ADGRL3: variants seen among roughly 807,000 people sequenced by gnomAD.
The protein encoded by ADGRL3 is calcium-independent alpha-latrotoxin receptor 3.
A neutral mutation model predicts 153.5 loss-of-function variants in ADGRL3; 62 were observed. The observed-to-expected ratio is 0.40, with a 90% CI of 0.33 to 0.50. ADGRL3 has a LOEUF of 0.50. Ranked by LOEUF, ADGRL3 falls within the 20% of genes least tolerant of loss-of-function variation. The pLI is 0.47. For synonymous variants in ADGRL3, 710 were observed against 672.5 expected (o/e 1.06, Z -0.86); for missense variants, 1,641 against 1,859.4 (o/e 0.88, Z 2.16).
intron 19 of ADGRL3, among the ~76,000 whole-genome samples, chr4:61,985,756 C>G (rs1418562806): frequency 6.6e-6 from 1 of 151,916 alleles, no homozygotes; most frequent in African/African-American, 2.4e-5. Context: ...CCGTTGAGTC[C>G]TTTGTCTTGA....
At chr4:61,474,460 T>C (rs571283393) in intron 2 of ADGRL3, among the ~76,000 whole-genome samples, 58 of 152,284 alleles carry the variant, frequency 3.8e-4, no homozygotes, top group Admixed American at 4.6e-4. Flanking sequence ...TGAGGTAATT[T>C]ATTTATTCAC....
chr4:61,234,248 C>T (rs191018737), intron 1 of ADGRL3, among the ~76,000 whole-genome samples: 15 of 152,076 alleles, frequency 9.9e-5, no homozygotes, highest in Non-Finnish European at 1.9e-4. Context: ...AGAATCATGG[C>T]GGGAGGCAAA....
chr4:61,775,333 C>A, intron 8 of ADGRL3: 1 of 331,754 alleles, frequency 3.0e-6, no homozygotes, highest in Non-Finnish European at 5.7e-6. Context: ...ATTTGAAATA[C>A]CATGACACAA....
chr4:61,782,169 G>T (rs1450797054), intron 8 of ADGRL3, among the ~76,000 whole-genome samples: 1 of 152,116 alleles, frequency 6.6e-6, no homozygotes. Flanking sequence ...AACATTGATT[G>T]CATCCTAAAT....
chr4:61,669,134 G>A lies in ADGRL3; in HGVS notation c.474-7692G>A, dbSNP rs560044859. ...TTAAACTTTTTAATAAATGCTGAAT[G>A]TATGGCTACAATATATATATGGGAG... On this transcript the variant is annotated intron_variant, in intron 5 of 26. Transcript: ENST00000683033. Among the ~76,000 whole-genome samples, 3 of 152,254 alleles carry A rather than the reference G, an allele frequency of 2.0e-5. No homozygotes were observed. In the South Asian group the frequency reaches 6.2e-4, roughly 32 times the overall value.
intron 6 of ADGRL3, among the ~76,000 whole-genome samples, chr4:61,729,330 A>G (rs1378730678): frequency 6.6e-6 from 1 of 151,860 alleles, no homozygotes; most frequent in Non-Finnish European, 1.5e-5. Flanking sequence ...TTCCTTGGTG[A>G]GATTGAGGAA....
chr4:62,043,520 A>G (rs543345226), intron 24 of ADGRL3, among the ~76,000 whole-genome samples: 1 of 152,220 alleles, frequency 6.6e-6, no homozygotes, highest in South Asian at 2.1e-4. Flanking sequence ...TCACTTGTCT[A>G]ATATTCTAAG....
chr4:61,423,592 T>A (rs1399613999), intron 2 of ADGRL3, among the ~76,000 whole-genome samples: 2 of 152,052 alleles, frequency 1.3e-5, no homozygotes, highest in African/African-American at 4.8e-5. Context: ...AGATAAGTAG[T>A]GGAAAGGGAC....
intron 1 of ADGRL3, among the ~76,000 whole-genome samples, chr4:61,279,844 G>A (rs2093643481): frequency 6.6e-6 from 1 of 152,106 alleles, no homozygotes; most frequent in Admixed American, 6.6e-5. Context: ...TGATAAATAT[G>A]TGATATGGCC....
At chr4:61,629,959 C>A (rs192913657) in intron 5 of ADGRL3, among the ~76,000 whole-genome samples, 39 of 152,060 alleles carry the variant, frequency 2.6e-4, no homozygotes, top group African/African-American at 9.4e-4. Flanking sequence ...ACAATTCCTG[C>A]CAATCTTTGG....
At chr4:61,855,063 G>A (rs558843077) in intron 9 of ADGRL3, among the ~76,000 whole-genome samples, 14 of 152,074 alleles carry the variant, frequency 9.2e-5, no homozygotes, top group African/African-American at 2.7e-4. Context: ...TAGTATCCAG[G>A]ATGGGATTCT....
intron 1 of ADGRL3, among the ~76,000 whole-genome samples, chr4:61,277,990 C>G (rs541520543): frequency 4.4e-4 from 67 of 152,208 alleles, no homozygotes; most frequent in Non-Finnish European, 8.4e-4. Context: ...GGTAAACTCT[C>G]CATTGTAAGG....
chr4:61,768,667 A>G (rs1394087012), intron 8 of ADGRL3, among the ~76,000 whole-genome samples: 1 of 152,066 alleles, frequency 6.6e-6, no homozygotes, highest in African/African-American at 2.4e-5. Flanking sequence ...CTTAGATTTT[A>G]GGTCAGGTGA....
At chr4:61,595,667 G>T (rs747087677) in intron 5 of ADGRL3, among the ~76,000 whole-genome samples, 2 of 142,134 alleles carry the variant, frequency 1.4e-5, no homozygotes, top group African/African-American at 2.5e-5. Context: ...GCTGTGCCAG[G>T]TGGTGTCTTC....
intron 2 of ADGRL3, among the ~76,000 whole-genome samples, chr4:61,442,874 G>T (rs1293667572): frequency 6.6e-6 from 1 of 152,048 alleles, no homozygotes; most frequent in Non-Finnish European, 1.5e-5. Flanking sequence ...TCCAAGCATG[G>T]AAGGCTTTTG....
rs574010579 is a variant in ADGRL3, at chr4:61,988,342, A to T, written c.3236+4739A>T. On this transcript the variant is annotated intron_variant, in intron 19 of 26. Coordinates refer to ENST00000683033, the MANE Select transcript of ADGRL3 (RefSeq NM_001387552.1). ...TTAAAAAACAATAATCTTAAAAAAA[A>T]CTCTGCTAGTAGACCACAGGTATAA... is the stretch of plus-strand genomic sequence containing the variant. Among the ~76,000 whole-genome samples the T allele has an allele frequency of 9.9e-5, 15 of 152,200 alleles. No homozygotes were observed. The South Asian group carries it at 1.0e-3, about 11-fold the overall frequency.
chr4:61,541,842 TACACAC>T (rs3075148), intron 4 of ADGRL3, among the ~76,000 whole-genome samples: 2,666 of 146,546 alleles, frequency 0.018, 42 homozygotes, highest in East Asian at 0.049. Flanking sequence ...TGTGTGTGTA[TACACAC>T]ACACACACAC....
chr4:61,370,828 G>A (rs2096508694), intron 1 of ADGRL3, among the ~76,000 whole-genome samples: 1 of 152,132 alleles, frequency 6.6e-6, no homozygotes, highest in Admixed American at 6.5e-5. Flanking sequence ...TTGACAGTGG[G>A]ATGTTAAAGT....
intron 1 of ADGRL3, chr4:61,211,517 A>G (rs1436799565): frequency 1.3e-5 from 2 of 152,234 alleles, no homozygotes; most frequent in Non-Finnish European, 2.9e-5. Flanking sequence ...GTTCACACAA[A>G]AAGAAAGAGG....
Sources: gnomAD v4.1 joint callset for allele counts (sites outside exome capture counted in the v4.1 genomes callset) on GRCh38, gnomAD v4.1.1 for gene constraint, MANE v1.5 for transcripts, NCBI Gene and HGNC (gene_info 2026-07-23, HGNC 2026-07-21) for gene names.